Variants in ANO1 observed in about 807,000 individuals in gnomAD.
The protein encoded by ANO1 is anoctamin 1.
ANO1 carries 59 observed loss-of-function variants against 124.0 expected under a neutral mutation model. That is an observed-to-expected ratio of 0.48 (90% CI 0.39 to 0.59). ANO1 has a LOEUF of 0.59. ANO1 is among the 20% of genes least tolerant of loss of function. ANO1 has a pLI of 0.00. For synonymous variants in ANO1, 529 were observed against 532.0 expected (o/e 0.99, Z 0.08); for missense variants, 1,059 against 1,328.0 (o/e 0.80, Z 3.15).
chr11:70,021,354 G>A (rs955393328), intron 1 of ANO1, among the ~76,000 whole-genome samples: 1 of 152,184 alleles, frequency 6.6e-6, no homozygotes, highest in African/African-American at 2.4e-5. Context: ...GCGAGGGAGC[G>A]TGGTGGTTGC....
At chr11:70,132,180 G>GT in intron 11 of ANO1, 101 bp downstream of exon 11, 5 of 1,408,272 alleles carry the variant, frequency 3.6e-6, no homozygotes, top group Non-Finnish European at 4.7e-6. Context: ...TCAGGCAGGG[G>GT]TTGTCGGGAA....
intron 11 of ANO1, among the ~76,000 whole-genome samples, chr11:70,142,955 A>G (rs1418696305): frequency 5.3e-5 from 8 of 152,166 alleles, no homozygotes. Context: ...CCATCTTCAA[A>G]TACCATCACC....
chr11:69,969,387 G>A, the ANO1 span, among the ~76,000 whole-genome samples: 1 of 152,210 alleles, frequency 6.6e-6, no homozygotes, highest in African/African-American at 2.4e-5. Context: ...GAGTCTCTCT[G>A]CACTCAGCTC....
intron 1 of ANO1, among the ~76,000 whole-genome samples, chr11:70,012,144 A>ATCCATCCATCCATCCATTGT (rs1555001210): frequency 2.0e-5 from 3 of 151,922 alleles, no homozygotes; most frequent in South Asian, 2.1e-4. Context: ...CCATTCTTTC[A>ATCCATCCATCCATCCATTGT]TCCATCCATC....
chr11:69,999,460 T>C (rs1232097905), intron 1 of ANO1, among the ~76,000 whole-genome samples: 1 of 152,232 alleles, frequency 6.6e-6, no homozygotes, highest in African/African-American at 2.4e-5. Context: ...GTCCAAACTA[T>C]ATCACTGTGT....
At chr11:70,136,442 C>T (rs1268304568) in intron 11 of ANO1, among the ~76,000 whole-genome samples, 1 of 148,796 alleles carries the variant, frequency 6.7e-6, no homozygotes, top group African/African-American at 2.4e-5. Flanking sequence ...AGCACCAGCA[C>T]CTCCCTCGCC....
At chr11:70,136,788 C>T (rs888646863) in intron 11 of ANO1, among the ~76,000 whole-genome samples, 2 of 147,920 alleles carry the variant, frequency 1.4e-5, no homozygotes, top group African/African-American at 4.8e-5. Context: ...GGGACAGACA[C>T]GCACAGAAAT....
chr11:70,086,818 C>T (rs2044406857), intron 1 of ANO1, among the ~76,000 whole-genome samples: 1 of 152,224 alleles, frequency 6.6e-6, no homozygotes, highest in Non-Finnish European at 1.5e-5. Flanking sequence ...TCCCCTTCAC[C>T]CTACTCTGGC....
At chr11:70,070,197 C>T (rs781986343) in intron 1 of ANO1, among the ~76,000 whole-genome samples, 5 of 151,990 alleles carry the variant, frequency 3.3e-5, no homozygotes, top group Admixed American at 6.6e-5. Flanking sequence ...CTGTGGCTCA[C>T]GTCATTTTCA....
chr11:70,017,945 A>G (rs912620520), intron 1 of ANO1, among the ~76,000 whole-genome samples: 2 of 152,106 alleles, frequency 1.3e-5, no homozygotes, highest in East Asian at 1.9e-4. Flanking sequence ...ATGGTCTCTG[A>G]GAGTTTTCCT....
intron 1 of ANO1, among the ~76,000 whole-genome samples, chr11:70,023,657 G>A (rs1455432381): frequency 2.0e-5 from 3 of 152,206 alleles, no homozygotes; most frequent in Non-Finnish European, 1.5e-5. Flanking sequence ...CTGCAAGGCT[G>A]CCCATTGGGG....
intron 7 of ANO1, among the ~76,000 whole-genome samples, chr11:70,112,435 C>T (rs1202581134): frequency 3.3e-5 from 5 of 152,204 alleles, no homozygotes; most frequent in South Asian, 2.1e-4. Flanking sequence ...ATTCCAGTCC[C>T]GGCCACTTAC....
At chr11:70,158,754 G>A (rs1398625454) in intron 16 of ANO1, among the ~76,000 whole-genome samples, 1 of 152,222 alleles carries the variant, frequency 6.6e-6, no homozygotes, top group Non-Finnish European at 1.5e-5. Flanking sequence ...ACAGTAAGAG[G>A]GACGCTGGCC....
At chr11:70,055,046 A>T (rs1857412439) in intron 1 of ANO1, among the ~76,000 whole-genome samples, 1 of 152,162 alleles carries the variant, frequency 6.6e-6, no homozygotes, top group African/African-American at 2.4e-5. Flanking sequence ...CTTAATTTCC[A>T]AACGCTGAGT....
At chr11:70,149,170 C>T (rs113752275) in intron 11 of ANO1, among the ~76,000 whole-genome samples, 1,814 of 152,230 alleles carry the variant, frequency 0.012, 40 homozygotes, top group African/African-American at 0.041. Flanking sequence ...CCATGCTGCC[C>T]ATCCCTCACT....
chr11:69,999,154 G>A (rs1333371761), intron 1 of ANO1, among the ~76,000 whole-genome samples: 2 of 152,142 alleles, frequency 1.3e-5, no homozygotes, highest in African/African-American at 2.4e-5. Context: ...AGGAAGCATG[G>A]CGGCATCTGC....
upstream of ANO1, chr11:69,985,843 G>A (rs1371973633): frequency 2.0e-5 from 3 of 152,278 alleles, no homozygotes; most frequent in Non-Finnish European, 4.4e-5. Context: ...GTAACCCCCG[G>A]GGGGTGGGGA....
At chr11:70,113,691 C>T (rs1237860685) in intron 7 of ANO1, among the ~76,000 whole-genome samples, 1 of 152,114 alleles carries the variant, frequency 6.6e-6, no homozygotes, top group Non-Finnish European at 1.5e-5. Flanking sequence ...ATGTTTCCGG[C>T]CCTCCCTGCT....
intron 10 of ANO1, among the ~76,000 whole-genome samples, chr11:70,126,668 G>A (rs1416235517): frequency 1.3e-5 from 2 of 149,490 alleles, no homozygotes; most frequent in Non-Finnish European, 3.0e-5. Context: ...GCTAGGCTTC[G>A]GTGCAGGCTG....
Sources: gnomAD v4.1 joint callset for allele counts (sites outside exome capture counted in the v4.1 genomes callset) on GRCh38, gnomAD v4.1.1 for gene constraint, MANE v1.5 for transcripts, NCBI Gene and HGNC (gene_info 2026-07-23, HGNC 2026-07-21) for gene names.